Variants in EPC2 observed in about 807,000 individuals in gnomAD.
EPC2 encodes enhancer of polycomb 2.
A neutral mutation model predicts 92.1 loss-of-function variants in EPC2; 14 were observed. That is an observed-to-expected ratio of 0.15 (90% CI 0.10 to 0.24). The LOEUF is 0.24. EPC2 is among the 10% of genes least tolerant of loss of function. The pLI, the probability that EPC2 is intolerant of heterozygous loss-of-function variation, is 1.00. For synonymous variants in EPC2, 340 were observed against 334.7 expected, an observed-to-expected ratio of 1.02 and a Z score of -0.17; for missense variants, 755 against 971.5, an observed-to-expected ratio of 0.78 and a Z score of 2.96.
intron 2 of EPC2, among the ~76,000 whole-genome samples, chr2:148,706,515 C>T (rs111912997): frequency 0.01 from 1,526 of 152,128 alleles, 24 homozygotes; most frequent in African/African-American, 0.034. Flanking sequence ...AGATACTCAT[C>T]GAGAAGAGCA....
chr2:148,679,687 C>T (rs1681353964), intron 1 of EPC2, among the ~76,000 whole-genome samples: 1 of 152,076 alleles, frequency 6.6e-6, no homozygotes, highest in Non-Finnish European at 1.5e-5. Context: ...GCTCTATCTC[C>T]CAGGCTGGAG....
intron 1 of EPC2, among the ~76,000 whole-genome samples, chr2:148,658,557 T>C (rs1208043119): frequency 6.6e-6 from 1 of 151,688 alleles, no homozygotes; most frequent in Non-Finnish European, 1.5e-5. Flanking sequence ...AGTAGGCGAA[T>C]TTGCAAATAG....
intron 10 of EPC2, among the ~76,000 whole-genome samples, chr2:148,780,423 A>T (rs1177943300): frequency 6.6e-6 from 1 of 152,114 alleles, no homozygotes; most frequent in African/African-American, 2.4e-5. Flanking sequence ...AATTTTTTTG[A>T]TTATTCATGT....
chr2:148,672,382 CTT>C (rs1483338213), intron 1 of EPC2, among the ~76,000 whole-genome samples: 1 of 152,106 alleles, frequency 6.6e-6, no homozygotes. Context: ...TGGTCGGAGT[CTT>C]TTTGTTTTTC....
At chr2:148,645,816 G>GGCTCTGCCTGCTCCGCCTGGACGGCCGT (rs1683787032) in intron 1 of EPC2, among the ~76,000 whole-genome samples, 1 of 152,166 alleles carries the variant, frequency 6.6e-6, no homozygotes, top group Non-Finnish European at 1.5e-5. Flanking sequence ...GGGGCGGACG[G>GGCTCTGCCTGCTCCGCCTGGACGGCCGT]GCTCTGCCTG....
chr2:148,698,444 T>C (rs1167150006), intron 2 of EPC2, among the ~76,000 whole-genome samples: 1 of 151,950 alleles, frequency 6.6e-6, no homozygotes, highest in Non-Finnish European at 1.5e-5. Flanking sequence ...AAGACCAGCC[T>C]GGCCAAGATG....
chr2:148,724,192 G>C (rs1242756434), intron 2 of EPC2, among the ~76,000 whole-genome samples: 2 of 152,044 alleles, frequency 1.3e-5, no homozygotes, highest in African/African-American at 4.8e-5. Flanking sequence ...TAAGGATTAA[G>C]ATAACTTATT....
intron 1 of EPC2, among the ~76,000 whole-genome samples, chr2:148,683,223 C>T (rs533434032): frequency 1.4e-4 from 21 of 151,982 alleles, no homozygotes; most frequent in African/African-American, 4.1e-4. Flanking sequence ...TCTTTTATCC[C>T]TTAATCCCCT....
chr2:148,658,771 ATTAC>A (rs781578021), intron 1 of EPC2, among the ~76,000 whole-genome samples: 134 of 152,056 alleles, frequency 8.8e-4, no homozygotes, highest in African/African-American at 2.3e-3. Context: ...TGGGTTATAT[ATTAC>A]TTACTACTTA....
chr2:148,769,278 T>A, intron 8 of EPC2, 38 bp downstream of exon 8: 1 of 1,435,132 alleles, frequency 7.0e-7, no homozygotes, highest in Non-Finnish European at 9.7e-7. Context: ...TTTTGTGAAC[T>A]GGAATTAACA....
At chr2:148,775,981 C>T (rs1161717304) in intron 10 of EPC2, among the ~76,000 whole-genome samples, 1 of 151,806 alleles carries the variant, frequency 6.6e-6, no homozygotes, top group African/African-American at 2.4e-5. Context: ...CAGGGTTTCA[C>T]TGTGTTAGCC....
At position 148,786,337 on chromosome 2, in the gene EPC2, A is replaced by G. The variant is rs1210282397; in HGVS notation, c.2384A>G (p.Asn795Ser). 2 of 1,611,926 alleles carry G rather than the reference A, an allele frequency of 1.2e-6. No homozygotes were observed. The highest frequency in any genetic ancestry group is 1.3e-5 in the African/African-American group (1 of 74,914). ...CACGAACCAGAAAGATTGGGCTTAA[A>G]TGGAATAGCAGAGACAACAGTAGCT... The part of the protein sequence containing the change: ...ENHEPERLGL[N>S]GIAETTVAME... The change falls in exon 14 of 14, where the codon AAT becomes AGT. Residue 795 changes from asparagine (N) to serine (S), a missense_variant. This residue lies in a region of EPC2 where 207 missense variants were observed against 260.5 expected (regional missense o/e 0.79). Coordinates refer to ENST00000258484, the MANE Select transcript of EPC2 (RefSeq NM_015630.4).
intron 2 of EPC2, among the ~76,000 whole-genome samples, chr2:148,726,765 GTT>G (rs201293391): frequency 9.9e-6 from 1 of 100,608 alleles, no homozygotes; most frequent in Non-Finnish European, 2.0e-5. Flanking sequence ...TTTGTTTTTT[GTT>G]TTTTTTTTTT....
intron 2 of EPC2, among the ~76,000 whole-genome samples, chr2:148,702,103 T>G (rs1318724451): frequency 3.9e-5 from 6 of 152,178 alleles, no homozygotes; most frequent in African/African-American, 1.4e-4. Context: ...CTTCTTTTTT[T>G]TTTCTTAGAG....
chr2:148,740,493 T>C (rs910027421), intron 2 of EPC2, among the ~76,000 whole-genome samples: 26 of 152,172 alleles, frequency 1.7e-4, no homozygotes, highest in Non-Finnish European at 1.2e-4. Flanking sequence ...CTGGTTCTGA[T>C]TTAACACATT....
intron 1 of EPC2, among the ~76,000 whole-genome samples, chr2:148,673,980 G>C (rs1473998245): frequency 6.6e-6 from 1 of 152,154 alleles, no homozygotes; most frequent in Non-Finnish European, 1.5e-5. Context: ...ATAATTCATA[G>C]ATCTTTTGGG....
intron 1 of EPC2, chr2:148,645,393 G>C (rs545557469): frequency 4.2e-6 from 2 of 479,536 alleles, no homozygotes; most frequent in South Asian, 2.5e-5. Flanking sequence ...TTAGCTCGCA[G>C]CGCTGCTTAC....
intron 4 of EPC2, among the ~76,000 whole-genome samples, chr2:148,755,153 A>G (rs1333760415): frequency 6.6e-6 from 1 of 152,108 alleles, no homozygotes; most frequent in Non-Finnish European, 1.5e-5. Context: ...TGAGGATGTG[A>G]TTTTTTTAAA....
At chr2:148,647,312 T>G (rs943571502) in intron 1 of EPC2, among the ~76,000 whole-genome samples, 5 of 152,168 alleles carry the variant, frequency 3.3e-5, no homozygotes. Context: ...AATTTTTTGT[T>G]TATTTGTTTT....
Sources: gnomAD v4.1 joint callset for allele counts (sites outside exome capture counted in the v4.1 genomes callset) on GRCh38, gnomAD v4.1.1 for gene constraint, gnomAD v4.1.1 regional missense constraint, MANE v1.5 for transcripts, NCBI Gene and HGNC (gene_info 2026-07-23, HGNC 2026-07-21) for gene names.